Variants in GTF2F1 observed in about 807,000 individuals in gnomAD.
The protein encoded by GTF2F1 is general transcription factor IIF subunit 1.
A neutral mutation model predicts 63.5 loss-of-function variants in GTF2F1; 39 were observed. That is an observed-to-expected ratio of 0.61 (90% CI 0.48 to 0.80). The LOEUF is 0.80. Ranked by LOEUF, GTF2F1 falls within the 30% of genes least tolerant of loss-of-function variation. The probability of loss-of-function intolerance (pLI) is 0.00; values close to 1 mark genes in which losing one functional copy is unlikely to be tolerated. For missense variants in GTF2F1, 657 were observed against 718.3 expected (o/e 0.91, Z 0.97); for synonymous variants, 287 against 285.3 (o/e 1.01, Z -0.06).
At chr19:6,389,187 G>A (rs2091985916) in intron 4 of GTF2F1, among the ~76,000 whole-genome samples, 1 of 152,086 alleles carries the variant, frequency 6.6e-6, no homozygotes, top group African/African-American at 2.4e-5. Context: ...AGTGAGCCAA[G>A]ATCGTGCTAC....
intron 5 of GTF2F1, among the ~76,000 whole-genome samples, chr19:6,384,760 C>T (rs972205036): frequency 3.3e-5 from 5 of 151,992 alleles, no homozygotes; most frequent in Non-Finnish European, 7.3e-5. Flanking sequence ...CATGGCGAGA[C>T]ACCATCACCA....
chr19:6,393,151 G>A lies in GTF2F1; in HGVS notation c.-156C>T, dbSNP rs1426779336. 2 of 939,588 alleles carry A rather than the reference G, an allele frequency of 2.1e-6. No homozygotes were observed. The highest frequency in any genetic ancestry group is 1.7e-5 in the African/African-American group (1 of 59,344). 58.2% of individuals were successfully genotyped at this position (939,588 alleles called of 1,614,324 possible). A position where few individuals can be genotyped will look rare whatever the true frequency, so the allele number is the denominator to read the frequency against. ...CTAGGCGCCTCTGGCGCTGGGAAAA[G>A]GTAACCGGAAGAGGCGCTCAAGCTA... On this transcript the variant is annotated 5_prime_UTR_variant, in exon 1 of 13. Transcript: ENST00000394456.
At position 6,381,504 on chromosome 19, in the gene GTF2F1, A is replaced by G. The variant is rs772033811; in HGVS notation, c.899-26T>C. On this transcript the variant is annotated intron_variant, in intron 8 of 12. Coordinates refer to ENST00000394456, the MANE Select transcript of GTF2F1 (RefSeq NM_002096.3). This position sits in a 1 kb window ranked among gnomAD's most constrained non-coding sequence, Gnocchi z 4.1. ...CTGGGAGGGGCAGGGTATGAGCAAG[A>G]GCAGGGAAGCACCGCCCCCATCTCC... 6.8e-6 allele frequency: 11 copies of G among 1,608,990 alleles called. No homozygotes were observed. The highest frequency in any genetic ancestry group is 3.3e-5 in the Admixed American group (2 of 59,964).
At position 6,380,608 on chromosome 19, in the gene GTF2F1, G is replaced by C. The variant is rs1447452407; in HGVS notation, c.1314C>G (p.Pro438=). The part of the protein sequence containing the change: ...GPQSLSGKST[P]QPPSGKTTPN... ...GTGTTGTCTTGCCTGATGGTGGCTG[G>C]GGTGTCGACTTCCCAGACAGGCTCT... Residue 438 remains proline (P), a synonymous_variant, in exon 12 of 13, where the codon CCC becomes CCG. Transcript: ENST00000394456. This position sits in a 1 kb window ranked among gnomAD's most constrained non-coding sequence, Gnocchi z 5.3. 1.2e-6 allele frequency: 2 copies of C among 1,613,862 alleles called. No individual in the cohort carries two copies. Among genetic ancestry groups the C allele is most frequent in the African/African-American group, 1.3e-5 (1 of 74,894 alleles).
chr19:6,392,067 A>T, intron 2 of GTF2F1, 93 bp from the exon 3 acceptor site: 3 of 705,124 alleles, frequency 4.3e-6, no homozygotes, highest in Non-Finnish European at 7.8e-6. Context: ...AATTCAATCA[A>T]CCACCCAACT....
At position 6,384,153 on chromosome 19, in the gene GTF2F1, T is replaced by C. The variant is rs536107460; in HGVS notation, c.498-658A>G. 2.1e-3 allele frequency among the ~76,000 whole-genome samples: 315 copies of C among 151,864 alleles called. 2 individuals carry two copies. Among genetic ancestry groups the C allele is most frequent in the Admixed American group, 2.2e-3 (33 of 15,250 alleles). ...TGTATTTTTCTTTAATGACAAAACA[T>C]ACTGTTTCCATTGGAACAATGTAAC... On this transcript the variant is annotated intron_variant, in intron 5 of 12. Coordinates refer to ENST00000394456, the MANE Select transcript of GTF2F1 (RefSeq NM_002096.3).
At position 6,383,621 on chromosome 19, in the gene GTF2F1, G is replaced by T; in HGVS notation, c.498-126C>A. ...GGTGATGTGGCCCCCGGGGACTTGG[G>T]CTGTGGCACAGGACTCCCTGAAACC... On this transcript the variant is annotated intron_variant, in intron 5 of 12. Transcript: ENST00000394456. The surrounding 1 kb of genome is among the most constrained non-coding windows in gnomAD (Gnocchi z 4.5). 1.0e-6 allele frequency: 1 copy of T among 980,342 alleles called. No individual in the cohort carries two copies. Among genetic ancestry groups the T allele is most frequent in the Non-Finnish European group, 1.5e-6 (1 of 659,388 alleles). The allele number at this position is 980,342 out of a possible 1,614,324, so 60.7% of individuals were successfully genotyped here.
Position 6,386,588 on chromosome 19 carries a change from C to T in GTF2F1, c.497+801G>A, listed in dbSNP as rs577821521. ...GCCTCCCGAGTACTGGGACTACAGG[C>T]GCCCGCCACCATGCCCGGCTAATTT... is the stretch of plus-strand genomic sequence containing the variant. On this transcript the variant is annotated intron_variant, in intron 5 of 12. Coordinates refer to ENST00000394456, the MANE Select transcript of GTF2F1 (RefSeq NM_002096.3). Among the ~76,000 whole-genome samples, 19 of 152,064 alleles carry T rather than the reference C, an allele frequency of 1.2e-4. No individual in the cohort carries two copies. The East Asian group carries it at 3.3e-3, about 27-fold the overall frequency.
rs1380169546 is a variant in GTF2F1, at chr19:6,380,633, T to TG, written c.1288dup (p.Gln430ProfsTer27). 1 of 1,613,788 alleles carries TG rather than the reference T, an allele frequency of 6.2e-7. No individual in the cohort carries two copies. Among genetic ancestry groups the TG allele is most frequent in the Non-Finnish European group, 8.5e-7 (1 of 1,180,026 alleles). On this transcript the variant is annotated frameshift_variant, in exon 12 of 13. Coordinates refer to ENST00000394456, the MANE Select transcript of GTF2F1 (RefSeq NM_002096.3). LOFTEE classifies it high-confidence loss of function. The surrounding 1 kb of genome is among the most constrained non-coding windows in gnomAD (Gnocchi z 5.3). ...GGGTGTCGACTTCCCAGACAGGCTC[T>TG]GGGGTCCCGTGTCCAGCCGCAACCG...
rs1237480650 is a variant in GTF2F1 at position 6,381,061 on chromosome 19, G to A, written c.1093-19C>T. 6 of 1,610,562 alleles carry A rather than the reference G, an allele frequency of 3.7e-6. No homozygotes were observed. Among genetic ancestry groups the A allele is most frequent in the South Asian group, 2.2e-5 (2 of 90,406 alleles). On this transcript the variant is annotated intron_variant, in intron 10 of 12. Transcript: ENST00000394456. The surrounding 1 kb of genome is among the most constrained non-coding windows in gnomAD (Gnocchi z 4.1). ...TCTTCTTCTGCAGAGGTCAGGGTTG[G>A]GAGGTGGGTGAGTCTGCAAACAGAC...
Position 6,383,451 on chromosome 19 carries a change from C to T in GTF2F1, c.542G>A (p.Arg181Gln). The T allele has an allele frequency of 5.6e-6, 9 of 1,614,154 alleles. No individual in the cohort carries two copies. Among genetic ancestry groups the T allele is most frequent in the South Asian group, 5.5e-5 (5 of 91,090 alleles). ...LNHFSIMQQRRLKDQDQDEDE... is the reference protein window; with the variant it reads ...LNHFSIMQQRQLKDQDQDEDE... ...CTCGTCCTGGTCCTGATCCTTGAGC[C>T]GCCGCTGCTGCATGATGCTGAAGTG... is the stretch of plus-strand genomic sequence containing the variant. The change falls in exon 6 of 13, where the codon CGG becomes CAG. Residue 181 changes from arginine (R) to glutamine (Q), a missense_variant. By Grantham distance (43) the Arg-to-Gln change is conservative. Around this residue, in one of 2 missense-constraint regions of GTF2F1, gnomAD observed 602 missense variants for 625.6 expected, o/e 0.96. Coordinates refer to ENST00000394456, the MANE Select transcript of GTF2F1 (RefSeq NM_002096.3). This position sits in a 1 kb window ranked among gnomAD's most constrained non-coding sequence, Gnocchi z 4.5.
In GTF2F1 at chr19:6,381,758, C is replaced by T. The variant is rs747435096; in HGVS notation, c.775G>A (p.Glu259Lys). The change falls in exon 7 of 13, where the codon GAG becomes AAG. Residue 259 changes from glutamate (E) to lysine (K), a missense_variant. Glu to Lys is a moderately conservative substitution (Grantham distance 56). Around this residue, in one of 2 missense-constraint regions of GTF2F1, gnomAD observed 602 missense variants for 625.6 expected, o/e 0.96. Coordinates refer to ENST00000394456, the MANE Select transcript of GTF2F1 (RefSeq NM_002096.3). The surrounding 1 kb of genome is among the most constrained non-coding windows in gnomAD (Gnocchi z 4.1). ...TCGAAGTCCCCATCATCGCTGTCCT[C>T]GAAGGCCTCGTCGTCTGAACCCTTC... ...KKKGSDDEAFEDSDDGDFEGQ... is the reference protein window; with the variant it reads ...KKKGSDDEAFKDSDDGDFEGQ... 9.3e-6 allele frequency: 15 copies of T among 1,614,038 alleles called. No homozygotes were observed. Among genetic ancestry groups the T allele is most frequent in the African/African-American group, 4.0e-5 (3 of 74,924 alleles).
At position 6,380,842 on chromosome 19, in the gene GTF2F1, C is replaced by G; in HGVS notation, c.1231+62G>C. The G allele has an allele frequency of 1.3e-6, 2 of 1,512,614 alleles. No homozygotes were observed. Among genetic ancestry groups the G allele is most frequent in the South Asian group, 2.5e-5 (2 of 79,498 alleles). The allele number at this position is 1,512,614 out of a possible 1,614,324, so 93.7% of individuals were successfully genotyped here. ...CTCCATCCCCTCTCTGTCCTGAGCC[C>G]CAACAGAGGTCAGGAGGCTGTGGCT... On this transcript the variant is annotated intron_variant, in intron 11 of 12. Transcript: ENST00000394456. This position sits in a 1 kb window ranked among gnomAD's most constrained non-coding sequence, Gnocchi z 5.3.
At position 6,383,410 on chromosome 19, in the gene GTF2F1, C is replaced by CTTT; in HGVS notation, c.582_583insAAA (p.Lys194dup). 6.2e-7 allele frequency: 1 copy of CTTT among 1,614,246 alleles called. No individual in the cohort carries two copies. The highest frequency in any genetic ancestry group is 8.5e-7 in the Non-Finnish European group (1 of 1,180,042). ...CTCGCCTTCCTGCGGCCACGTTTCTCCTTCTCCTCCTCATCCTCGTCCTGG... is the reference window on the plus strand; with the variant it reads ...CTCGCCTTCCTGCGGCCACGTTTCTCTTTCTTCTCCTCCTCATCCTCGTCCTGG... On this transcript the variant is annotated inframe_insertion, in exon 6 of 13. Coordinates refer to ENST00000394456, the MANE Select transcript of GTF2F1 (RefSeq NM_002096.3). The surrounding 1 kb of genome is among the most constrained non-coding windows in gnomAD (Gnocchi z 4.5).
intron 2 of GTF2F1, 34 bp downstream of exon 2, chr19:6,392,823 T>C (rs774823808): frequency 6.3e-7 from 1 of 1,591,186 alleles, no homozygotes; most frequent in South Asian, 1.1e-5. Context: ...TTTTGGGGGG[T>C]GGAGAGGAGT....
rs941608839 is a variant in GTF2F1, at chr19:6,383,587, A to G, written c.498-92T>C. On this transcript the variant is annotated intron_variant, in intron 5 of 12. Transcript: ENST00000394456. The surrounding 1 kb of genome is among the most constrained non-coding windows in gnomAD (Gnocchi z 4.5). ...GCGAGCCCCAGGGCACCACCCACATAGCCTTCAAGGTGATGTGGCCCCCGG... is the reference window on the plus strand; with the variant it reads ...GCGAGCCCCAGGGCACCACCCACATGGCCTTCAAGGTGATGTGGCCCCCGG... The G allele has an allele frequency of 3.2e-5, 44 of 1,365,230 alleles. No individual in the cohort carries two copies. The Admixed American group carries it at 7.6e-4, about 24-fold the overall frequency. 84.6% of individuals were successfully genotyped at this position (1,365,230 alleles called of 1,614,324 possible).
intron 2 of GTF2F1, 74 bp downstream of exon 2, chr19:6,392,783 G>T: frequency 6.9e-7 from 1 of 1,441,162 alleles, no homozygotes; most frequent in Non-Finnish European, 9.8e-7. Context: ...GCCAGAAATG[G>T]CTGGCTAAGA....
At chr19:6,392,462 C>T (rs2092004269) in intron 2 of GTF2F1, 2 of 511,794 alleles carry the variant, frequency 3.9e-6, no homozygotes, top group South Asian at 3.1e-5. Flanking sequence ...CAAGAATTCA[C>T]CCAGCAGAGT....
chr19:6,383,611 G>A lies in GTF2F1; in HGVS notation c.498-116C>T, dbSNP rs921508639. 47 of 1,084,368 alleles carry A rather than the reference G, an allele frequency of 4.3e-5. No homozygotes were observed. In the African/African-American group the frequency reaches 5.1e-4, roughly 12 times the overall value. The allele number at this position is 1,084,368 out of a possible 1,614,324, so 67.2% of individuals were successfully genotyped here. A position where few individuals can be genotyped will look rare whatever the true frequency, so the allele number is the denominator to read the frequency against. Reference sequence around the variant, plus strand: ...TAGCCTTCAAGGTGATGTGGCCCCCGGGGACTTGGGCTGTGGCACAGGACT... The same window carrying A: ...TAGCCTTCAAGGTGATGTGGCCCCCAGGGACTTGGGCTGTGGCACAGGACT... On this transcript the variant is annotated intron_variant, in intron 5 of 12. Transcript: ENST00000394456. The surrounding 1 kb of genome is among the most constrained non-coding windows in gnomAD (Gnocchi z 4.5).
Sources: gnomAD v4.1 joint callset for allele counts (sites outside exome capture counted in the v4.1 genomes callset) on GRCh38, gnomAD v4.1.1 for gene constraint, gnomAD v4.1.1 regional missense constraint, Gnocchi (gnomAD v3.1) non-coding constraint, MANE v1.5 for transcripts, NCBI Gene and HGNC (gene_info 2026-07-23, HGNC 2026-07-21) for gene names.